SLC35F4: variants seen among roughly 807,000 people sequenced by gnomAD.
The protein encoded by SLC35F4 is solute carrier family 35 member F4, also known as chromosome 14 open reading frame 36.
SLC35F4 carries 24 observed loss-of-function variants against 44.2 expected under a neutral mutation model. The ratio of observed to expected loss-of-function variants is 0.54; its 90% CI spans 0.39 to 0.76. The LOEUF (loss-of-function observed/expected upper bound fraction) is 0.76. Ranked by LOEUF, SLC35F4 falls within the 30% of genes least tolerant of loss-of-function variation. SLC35F4 has a pLI of 0.00. For missense variants in SLC35F4, 562 were observed against 586.1 expected (o/e 0.96, Z 0.42); for synonymous variants, 238 against 223.6 (o/e 1.06, Z -0.57).
intron 1 of SLC35F4, among the ~76,000 whole-genome samples, chr14:57,930,453 G>A (rs564393966): frequency 3.3e-5 from 5 of 152,158 alleles, no homozygotes; most frequent in African/African-American, 7.2e-5. Flanking sequence ...CCACCACCAC[G>A]TGGAAACACC....
intron 1 of SLC35F4, among the ~76,000 whole-genome samples, chr14:57,858,994 A>G (rs1307864985): frequency 6.6e-6 from 1 of 151,662 alleles, no homozygotes; most frequent in Non-Finnish European, 1.5e-5. Context: ...CTGTAGTCCT[A>G]CTCAGGAGGC....
intron 1 of SLC35F4, among the ~76,000 whole-genome samples, chr14:57,806,693 C>T (rs1035699692): frequency 5.9e-5 from 9 of 152,076 alleles, no homozygotes; most frequent in Non-Finnish European, 7.4e-5. Flanking sequence ...AGACACTCTC[C>T]GATTTATGAA....
intron 1 of SLC35F4, among the ~76,000 whole-genome samples, chr14:57,981,521 A>G (rs1881382208): frequency 6.6e-6 from 1 of 152,104 alleles, no homozygotes; most frequent in African/African-American, 2.4e-5. Flanking sequence ...TTTTTTTTAA[A>G]ATGACTTCAT....
Position 57,944,158 on chromosome 14 carries a change from G to T in SLC35F4, n.282+37755C>A, listed in dbSNP as rs1889966640. 1.3e-5 allele frequency among the ~76,000 whole-genome samples: 2 copies of T among 152,152 alleles called. 1 individual carries two copies. Among genetic ancestry groups the T allele is most frequent in the South Asian group, 4.1e-4 (2 of 4,830 alleles). ...AGCCTCCCTTTCTGATTTTTCCGAA[G>T]TCATTCCAGTATCGTCAAGTACCAG... On this transcript the variant is annotated intron_variant and non_coding_transcript_variant, in intron 1 of 1. Transcript: ENST00000556568.
chr14:57,932,013 T>C (rs187745399), intron 1 of SLC35F4, among the ~76,000 whole-genome samples: 1 of 152,330 alleles, frequency 6.6e-6, no homozygotes, highest in East Asian at 1.9e-4. Context: ...CCGGTGTCCT[T>C]GAAAGAAATC....
intron 1 of SLC35F4, among the ~76,000 whole-genome samples, chr14:57,665,181 G>A (rs957557871): frequency 1.3e-5 from 2 of 151,952 alleles, no homozygotes; most frequent in African/African-American, 2.4e-5. Context: ...ACAAGCTGAG[G>A]TTTATAGAGA....
chr14:57,642,227 A>T (rs1471301427), intron 1 of SLC35F4, among the ~76,000 whole-genome samples: 1 of 151,936 alleles, frequency 6.6e-6, no homozygotes, highest in African/African-American at 2.4e-5. Context: ...GGTTGCAATC[A>T]CCATTTCTTT....
intron 1 of SLC35F4, among the ~76,000 whole-genome samples, chr14:57,828,763 C>G (rs766289247): frequency 6.6e-6 from 1 of 152,152 alleles, no homozygotes; most frequent in Non-Finnish European, 1.5e-5. Flanking sequence ...ACAGCAAACT[C>G]TGGGCAACCC....
intron 1 of SLC35F4, among the ~76,000 whole-genome samples, chr14:57,760,755 G>GT (rs982879126): frequency 3.9e-5 from 6 of 152,190 alleles, no homozygotes; most frequent in African/African-American, 9.6e-5. Context: ...TAAATTATGA[G>GT]TTTTTTTCTG....
At chr14:57,928,089 C>T (rs1421714206) in intron 1 of SLC35F4, among the ~76,000 whole-genome samples, 1 of 151,876 alleles carries the variant, frequency 6.6e-6, no homozygotes, top group Non-Finnish European at 1.5e-5. Flanking sequence ...CCACCCTCAC[C>T]CATACAAGCA....
chr14:57,739,589 C>T (rs2076553437), intron 1 of SLC35F4, among the ~76,000 whole-genome samples: 1 of 152,176 alleles, frequency 6.6e-6, no homozygotes, highest in African/African-American at 2.4e-5. Context: ...AGGATCCTCC[C>T]TTCCTGGATC....
intron 1 of SLC35F4, among the ~76,000 whole-genome samples, chr14:57,794,919 A>G (rs1468719780): frequency 6.6e-6 from 1 of 152,184 alleles, no homozygotes; most frequent in Non-Finnish European, 1.5e-5. Context: ...GACCTTCAGA[A>G]ATCTTGAAGA....
rs2075998360 is a variant in SLC35F4 at position 57,718,411 on chromosome 14, G to A, written c.104-124287C>T. Reference sequence around the variant, plus strand: ...GTAGCTCTAATTCTAGTTTTTTGAGGAACCTCCAAACTGTTCTCTGTAGTG... The same window carrying A: ...GTAGCTCTAATTCTAGTTTTTTGAGAAACCTCCAAACTGTTCTCTGTAGTG... On this transcript the variant is annotated intron_variant, in intron 1 of 7. Transcript: ENST00000556826. 2.0e-5 allele frequency among the ~76,000 whole-genome samples: 3 copies of A among 152,216 alleles called. No individual in the cohort carries two copies. In the South Asian group the frequency reaches 6.2e-4, roughly 32 times the overall value.
chr14:57,722,502 C>T (rs1821881510), intron 1 of SLC35F4, among the ~76,000 whole-genome samples: 1 of 152,156 alleles, frequency 6.6e-6, no homozygotes, highest in Non-Finnish European at 1.5e-5. Flanking sequence ...CCTGTAATTG[C>T]TCTTCTCTGT....
intron 6 of SLC35F4, 64 bp downstream of exon 6, chr14:57,569,724 A>G (rs1047115396): frequency 4.2e-6 from 6 of 1,432,010 alleles, no homozygotes; most frequent in African/African-American, 1.4e-5. Flanking sequence ...TCCTATGATG[A>G]TAATCTAACT....
At chr14:57,615,679 TA>T (rs1208919220) in intron 1 of SLC35F4, among the ~76,000 whole-genome samples, 1 of 152,028 alleles carries the variant, frequency 6.6e-6, no homozygotes, top group Non-Finnish European at 1.5e-5. Flanking sequence ...AGTGTATTTT[TA>T]AGAGAAATTT....
At chr14:57,681,836 A>G (rs1373308982) in intron 1 of SLC35F4, among the ~76,000 whole-genome samples, 1 of 151,986 alleles carries the variant, frequency 6.6e-6, no homozygotes, top group Non-Finnish European at 1.5e-5. Context: ...TGGGCAAAGG[A>G]TATGAACAGA....
intron 1 of SLC35F4, among the ~76,000 whole-genome samples, chr14:57,958,420 G>C (rs1408252800): frequency 6.6e-6 from 1 of 152,130 alleles, no homozygotes; most frequent in Non-Finnish European, 1.5e-5. Context: ...GGTATGCATG[G>C]TTTCATTTAT....
chr14:57,935,782 A>G (rs1889784348), intron 1 of SLC35F4, among the ~76,000 whole-genome samples: 1 of 152,212 alleles, frequency 6.6e-6, no homozygotes, highest in Admixed American at 6.5e-5. Flanking sequence ...ATTCACAATA[A>G]TTGCTAATTT....
Sources: gnomAD v4.1 joint callset for allele counts (sites outside exome capture counted in the v4.1 genomes callset) on GRCh38, gnomAD v4.1.1 for gene constraint, MANE v1.5 for transcripts, NCBI Gene and HGNC (gene_info 2026-07-23, HGNC 2026-07-21) for gene names.